AFF1: variants seen among roughly 807,000 people sequenced by gnomAD.
AFF1 encodes the protein ALF transcription elongation factor 1, also known as AF4/FMR2 family member 1.
Under a neutral mutation model 121.7 loss-of-function variants are expected in AFF1, and 48 were observed. The observed-to-expected ratio is 0.39, with a 90% CI of 0.31 to 0.50. AFF1 has a LOEUF of 0.50. Among genes scored for constraint, AFF1 ranks in the 20% least tolerant of loss-of-function variants. The pLI is 0.76. For missense variants in AFF1, 1,523 were observed against 1,511.7 expected, an observed-to-expected ratio of 1.01 and a Z score of -0.12; for synonymous variants, 613 against 563.0, an observed-to-expected ratio of 1.09 and a Z score of -1.26.
chr4:87,135,815 C>T lies in AFF1; in HGVS notation c.*114C>T, dbSNP rs1158365853. 10 of 1,375,060 alleles carry T rather than the reference C, an allele frequency of 7.3e-6. No homozygotes were observed. The highest frequency in any genetic ancestry group is 5.1e-5 in the East Asian group (2 of 39,326). 85.2% of individuals were successfully genotyped at this position (1,375,060 alleles called of 1,614,324 possible). A position where few individuals can be genotyped will look rare whatever the true frequency, so the allele number is the denominator to read the frequency against. ...ACCAAACTCTAAAAAAGAAGCACCA[C>T]GAGATGGCCAGGACATTTGTCCACT... On this transcript the variant is annotated 3_prime_UTR_variant, in exon 21 of 21. Coordinates refer to ENST00000395146, the MANE Select transcript of AFF1 (RefSeq NM_001166693.3).
intron 11 of AFF1, among the ~76,000 whole-genome samples, chr4:87,113,653 A>G (rs1347895451): frequency 6.6e-6 from 1 of 152,212 alleles, no homozygotes; most frequent in Non-Finnish European, 1.5e-5. Context: ...AAAAATTGCA[A>G]ATCACTGTAT....
At chr4:86,990,877 C>T (rs778919343) in intron 2 of AFF1, among the ~76,000 whole-genome samples, 1 of 152,152 alleles carries the variant, frequency 6.6e-6, no homozygotes, top group Non-Finnish European at 1.5e-5. Context: ...CTAGGCTGAG[C>T]GCGGTGGCTC....
intron 2 of AFF1, among the ~76,000 whole-genome samples, chr4:87,039,594 C>G (rs1234413891): frequency 6.6e-6 from 1 of 152,204 alleles, no homozygotes; most frequent in Non-Finnish European, 1.5e-5. Flanking sequence ...GCACTGGACA[C>G]TGAAGCCTGT....
intron 2 of AFF1, chr4:87,036,898 C>G (rs1238282895): frequency 9.5e-6 from 4 of 421,864 alleles, no homozygotes; most frequent in Middle Eastern, 3.5e-4. Context: ...AGGGTGTGAC[C>G]TGGGCTCGCT....
chr4:86,964,435 C>G (rs972166069), intron 2 of AFF1, among the ~76,000 whole-genome samples: 4 of 127,508 alleles, frequency 3.1e-5, no homozygotes, highest in African/African-American at 1.2e-4. Flanking sequence ...TTCTATACAT[C>G]TTTTTTTTTT....
chr4:87,025,335 A>G (rs562582069), intron 2 of AFF1, among the ~76,000 whole-genome samples: 2 of 152,306 alleles, frequency 1.3e-5, no homozygotes, highest in African/African-American at 4.8e-5. Flanking sequence ...TTTTGGTACA[A>G]TTCTCATCTC....
intron 8 of AFF1, among the ~76,000 whole-genome samples, chr4:87,103,726 G>A (rs938190615): frequency 1.3e-5 from 2 of 152,226 alleles, no homozygotes; most frequent in Non-Finnish European, 2.9e-5. Flanking sequence ...ATTCTTGGAA[G>A]TTAGATGTTT....
chr4:87,126,420 G>A (rs910598921), intron 14 of AFF1, 84 bp downstream of exon 14: 3 of 1,325,040 alleles, frequency 2.3e-6, no homozygotes, highest in East Asian at 4.6e-5. Context: ...TGCTAGTGAT[G>A]GCACTTCAGA....
At chr4:87,125,737 C>T (rs192507799) in intron 13 of AFF1, among the ~76,000 whole-genome samples, 54 of 152,244 alleles carry the variant, frequency 3.5e-4, no homozygotes, top group African/African-American at 1.1e-3. Flanking sequence ...ATAGTGTCAC[C>T]GTGTGGGAAC....
intron 2 of AFF1, among the ~76,000 whole-genome samples, chr4:87,002,146 C>T (rs1280954262): frequency 1.3e-5 from 2 of 150,744 alleles, no homozygotes; most frequent in Non-Finnish European, 2.9e-5. Flanking sequence ...CTCTGTTGCC[C>T]AAGCTGGAGT....
intron 16 of AFF1, 106 bp downstream of exon 16, chr4:87,127,809 G>A: frequency 8.8e-7 from 1 of 1,139,644 alleles, no homozygotes; most frequent in Non-Finnish European, 1.3e-6. Flanking sequence ...CGTATGTGCG[G>A]TGGAAGGAGG....
chr4:87,131,112 C>G lies in AFF1; in HGVS notation c.2994C>G (p.Tyr998Ter). The change falls in exon 17 of 21, where the codon TAC becomes TAG. Residue 998 changes from tyrosine (Y) to a stop codon, truncating the protein, a stop_gained. Coordinates refer to ENST00000395146, the MANE Select transcript of AFF1 (RefSeq NM_001166693.3). LOFTEE classifies it high-confidence loss of function. ...MTDRVGKAFK[Y>*]LEAVLSFIEC... ...ACAGGGTTGGAAAGGCTTTTAAGTA[C>G]CTGGAAGCCGTCTTGTCCTTCATTG... 1.2e-6 allele frequency: 2 copies of G among 1,614,160 alleles called. No homozygotes were observed. Among genetic ancestry groups the G allele is most frequent in the Non-Finnish European group, 1.7e-6 (2 of 1,180,024 alleles).
intron 4 of AFF1, among the ~76,000 whole-genome samples, chr4:87,053,971 G>A (rs538801715): frequency 6.6e-6 from 1 of 152,298 alleles, no homozygotes; most frequent in South Asian, 2.1e-4. Context: ...GAGGGGTGTT[G>A]GGGCTTAAGC....
intron 2 of AFF1, among the ~76,000 whole-genome samples, chr4:87,016,216 A>G (rs892657825): frequency 2.6e-5 from 4 of 151,538 alleles, no homozygotes; most frequent in Admixed American, 2.6e-4. Context: ...GAAGAGGGGA[A>G]TAGTTAAATT....
chr4:87,054,705 A>G (rs1419097265), intron 4 of AFF1, among the ~76,000 whole-genome samples: 3 of 152,194 alleles, frequency 2.0e-5, no homozygotes, highest in Admixed American at 6.5e-5. Flanking sequence ...CTTGTAAGAA[A>G]GCATGAAGAA....
At chr4:87,072,239 T>C (rs1484190003) in intron 4 of AFF1, among the ~76,000 whole-genome samples, 3 of 151,514 alleles carry the variant, frequency 2.0e-5, no homozygotes, top group African/African-American at 7.3e-5. Flanking sequence ...GGCGGGCGCC[T>C]GTAGTCCCAG....
intron 2 of AFF1, among the ~76,000 whole-genome samples, chr4:86,963,089 C>G (rs1179659205): frequency 6.8e-6 from 1 of 147,442 alleles, no homozygotes; most frequent in African/African-American, 2.6e-5. Context: ...TTGCTCGAAC[C>G]TGGGAGGCAG....
intron 15 of AFF1, 55 bp downstream of exon 15, chr4:87,127,172 C>CT: frequency 1.5e-6 from 2 of 1,297,066 alleles, no homozygotes; most frequent in Non-Finnish European, 2.2e-6. Flanking sequence ...TGCTTCCCCC[C>CT]CCCACCAAGA....
At chr4:87,015,912 C>T (rs140588726) in intron 2 of AFF1, among the ~76,000 whole-genome samples, 2 of 152,286 alleles carry the variant, frequency 1.3e-5, no homozygotes, top group East Asian at 1.9e-4. Context: ...CGGGCGTGGT[C>T]GCTCATGCCT....
Sources: allele counts gnomAD v4.1 joint callset (sites outside exome capture counted in the v4.1 genomes callset), GRCh38; gene constraint gnomAD v4.1.1; transcripts MANE v1.5; gene names NCBI Gene and HGNC (gene_info 2026-07-23, HGNC 2026-07-21).